C1orf174: variants seen among roughly 807,000 people sequenced by gnomAD.
C1orf174 encodes the protein chromosome 1 open reading frame 174.
C1orf174 carries 13 observed loss-of-function variants against 18.4 expected under a neutral mutation model. The ratio of observed to expected loss-of-function variants is 0.71; its 90% CI spans 0.46 to 1.12. The LOEUF (loss-of-function observed/expected upper bound fraction) is 1.12, where lower values mean the gene tolerates loss of function less well. Ranked by LOEUF, C1orf174 falls within the 50% of genes most tolerant of loss-of-function variation. C1orf174 has a pLI of 0.00. For missense variants in C1orf174, 309 were observed against 308.0 expected (o/e 1.00, Z -0.02); for synonymous variants, 100 against 118.3 (o/e 0.85, Z 1.01).
intron 1 of C1orf174, 108 bp downstream of exon 1, chr1:3,900,064 G>A (rs1011095059): frequency 3.4e-5 from 47 of 1,364,496 alleles, no homozygotes; most frequent in Admixed American, 5.9e-5. Flanking sequence ...AGCGGAGGCC[G>A]CTCCTAGGCC....
At position 3,890,669 on chromosome 1, in the gene C1orf174, T is replaced by C; in HGVS notation, c.518A>G (p.Gln173Arg). ...GTTGTCCATCTGAAGTGGTGGCTTC[T>C]GCACATCCTCTGTCTGTAGCCCTGG... Reference protein sequence around the residue: ...NEPGLQTEDVQKPPLQMDNSV... With the variant: ...NEPGLQTEDVRKPPLQMDNSV... Residue 173 changes from glutamine to arginine, a missense_variant, in exon 3 of 4, where the codon CAG becomes CGG. Coordinates refer to ENST00000361605, the MANE Select transcript of C1orf174 (RefSeq NM_207356.3). 7 of 1,614,172 alleles carry C rather than the reference T, an allele frequency of 4.3e-6. No homozygotes were observed. The highest frequency in any genetic ancestry group is 5.9e-6 in the Non-Finnish European group (7 of 1,180,028).
In C1orf174 at chr1:3,890,697, C is replaced by G; in HGVS notation, c.490G>C (p.Glu164Gln). The change falls in exon 3 of 4, where the codon GAG becomes CAG. Residue 164 changes from glutamate (E) to glutamine (Q), a missense_variant. Physicochemically the swap from Glu to Gln is conservative, Grantham distance 29. Coordinates refer to ENST00000361605, the MANE Select transcript of C1orf174 (RefSeq NM_207356.3). ...ACATCCTCTGTCTGTAGCCCTGGCT[C>G]ATTCTGCTTCTGCACAGTGGAGCTG... ...NSSSTVQKQN[E>Q]PGLQTEDVQK... 6.2e-7 allele frequency: 1 copy of G among 1,614,156 alleles called. No individual in the cohort carries two copies. The highest frequency in any genetic ancestry group is 8.5e-7 in the Non-Finnish European group (1 of 1,180,036).
rs768357035 is a variant in C1orf174, at chr1:3,893,016, C to T, written c.16-20G>A. On this transcript the variant is annotated intron_variant, in intron 1 of 3. Transcript: ENST00000361605. Reference sequence around the variant, plus strand: ...TGTGAGCTAGAGAGATTGAGAGCCACTCAGAGAGTGCTCTCAGGAAGGCAG... The same window carrying T: ...TGTGAGCTAGAGAGATTGAGAGCCATTCAGAGAGTGCTCTCAGGAAGGCAG... The T allele has an allele frequency of 3.7e-6, 6 of 1,611,142 alleles. No homozygotes were observed. The East Asian group carries it at 6.7e-5, about 18-fold the overall frequency.
At chr1:3,900,133 C>G in intron 1 of C1orf174, 39 bp downstream of exon 1, 1 of 1,568,800 alleles carries the variant, frequency 6.4e-7, no homozygotes, top group Non-Finnish European at 8.6e-7. Flanking sequence ...AGAGTCCCCG[C>G]CCTGCCCGGC....
Position 3,890,950 on chromosome 1 carries a change from G to A in C1orf174, c.237C>T (p.Asp79=), listed in dbSNP as rs752615735. 2 of 1,614,152 alleles carry A rather than the reference G, an allele frequency of 1.2e-6. No individual in the cohort carries two copies. Among genetic ancestry groups the A allele is most frequent in the South Asian group, 1.1e-5 (1 of 91,074 alleles). Residue 79 remains aspartate (D), a synonymous_variant, in exon 3 of 4, where the codon GAC becomes GAT. Coordinates refer to ENST00000361605, the MANE Select transcript of C1orf174 (RefSeq NM_207356.3). ...SELQKLVPKN[D]SASLPKVTPE... ...GTGTCACTTTTGGCAAAGAAGCGCT[G>A]TCATTCTTAGGGACAAGCTTCTGTA... is the stretch of plus-strand genomic sequence containing the variant.
At position 3,890,973 on chromosome 1, in the gene C1orf174, G is replaced by A. The variant is rs781085137; in HGVS notation, c.214C>T (p.Gln72Ter). 18 of 1,614,206 alleles carry A rather than the reference G, an allele frequency of 1.1e-5. No homozygotes were observed. The East Asian group carries it at 3.8e-4, about 34-fold the overall frequency. Residue 72 changes from glutamine to a stop codon, truncating the protein, a stop_gained, in exon 3 of 4, where the codon CAG (glutamine) becomes TAG (stop). Transcript: ENST00000361605. LOFTEE classifies it high-confidence loss of function. ...CTGTCATTCTTAGGGACAAGCTTCT[G>A]TAATTCTGACTTCACAAGATGTCCT... ...DKGHLVKSEL[Q>*]KLVPKNDSAS...
In C1orf174 at chr1:3,890,945, G is replaced by A. The variant is rs1251839917; in HGVS notation, c.242C>T (p.Ala81Val). The change falls in exon 3 of 4, where the codon GCT (alanine) becomes GTT (valine). Residue 81 changes from alanine to valine, a missense_variant. By Grantham distance (64) the Ala-to-Val change is moderately conservative (BLOSUM62 0). Transcript: ENST00000361605. ...LQKLVPKNDS[A>V]SLPKVTPETP... is the part of the protein sequence containing the mutation. ...CTCAGGTGTCACTTTTGGCAAAGAA[G>A]CGCTGTCATTCTTAGGGACAAGCTT... 1.2e-6 allele frequency: 2 copies of A among 1,614,034 alleles called. No individual in the cohort carries two copies. Among genetic ancestry groups the A allele is most frequent in the African/African-American group, 1.3e-5 (1 of 74,924 alleles).
chr1:3,895,278 C>T (rs915173101), intron 1 of C1orf174: 9 of 152,292 alleles, frequency 5.9e-5, no homozygotes, highest in African/African-American at 2.2e-4. Context: ...AATCTCTATT[C>T]CATCACCACA....
chr1:3,899,462 C>A (rs1480352585), intron 1 of C1orf174, among the ~76,000 whole-genome samples: 1 of 152,170 alleles, frequency 6.6e-6, no homozygotes, highest in Non-Finnish European at 1.5e-5. Flanking sequence ...TTAACTGTTA[C>A]ACCCACGCAA....
At chr1:3,895,438 G>C (rs1638589487) in intron 1 of C1orf174, 1 of 152,262 alleles carries the variant, frequency 6.6e-6, no homozygotes, top group Admixed American at 6.5e-5. Flanking sequence ...CAGTGGTTCT[G>C]AACTTTTCGC....
chr1:3,895,762 C>G (rs549849405), intron 1 of C1orf174: 2 of 152,226 alleles, frequency 1.3e-5, no homozygotes, highest in Non-Finnish European at 2.9e-5. Context: ...TTGGACTGCT[C>G]CCACAGTCCA....
At chr1:3,896,669 C>T (rs1331293590) in intron 1 of C1orf174, among the ~76,000 whole-genome samples, 2 of 152,228 alleles carry the variant, frequency 1.3e-5, no homozygotes, top group Non-Finnish European at 2.9e-5. Context: ...GTAGGCCAAC[C>T]AGTTCGCAGA....
chr1:3,890,128 C>A (rs1557737985), intron 3 of C1orf174, 55 bp from the exon 4 acceptor site: 8 of 1,404,448 alleles, frequency 5.7e-6, no homozygotes, highest in Non-Finnish European at 8.1e-6. Flanking sequence ...TCTGCACCCG[C>A]ATTTGCAATG....
At chr1:3,890,104 A>G (rs1435225461) in intron 3 of C1orf174, 31 bp from the exon 4 acceptor site, 1 of 1,562,326 alleles carries the variant, frequency 6.4e-7, no homozygotes, top group Admixed American at 1.7e-5. Flanking sequence ...GACTTCAGTC[A>G]TGAGCAATAC....
rs1199100828 is a variant in C1orf174 at position 3,900,198 on chromosome 1, C to G, written c.-12G>C. On this transcript the variant is annotated 5_prime_UTR_variant, in exon 1 of 4. Transcript: ENST00000361605. Reference sequence around the variant, plus strand: ...TTCCGGCTCCTCATGAGTGTGAGCACCGCAGCCAAGCACCGCGCGCCCCGG... The same window carrying G: ...TTCCGGCTCCTCATGAGTGTGAGCAGCGCAGCCAAGCACCGCGCGCCCCGG... The G allele has an allele frequency of 6.3e-7, 1 of 1,581,824 alleles. No individual in the cohort carries two copies. The highest frequency in any genetic ancestry group is 2.4e-5 in the East Asian group (1 of 42,486).
intron 3 of C1orf174, 72 bp from the exon 4 acceptor site, chr1:3,890,145 AC>A: frequency 8.1e-7 from 1 of 1,241,352 alleles, no homozygotes; most frequent in Non-Finnish European, 1.2e-6. Context: ...AATGTGCCCC[AC>A]CCAGCGGCTC....
At chr1:3,900,047 A>T in intron 1 of C1orf174, 125 bp downstream of exon 1, 1 of 1,204,636 alleles carries the variant, frequency 8.3e-7, no homozygotes, top group Non-Finnish European at 1.1e-6. Flanking sequence ...GCCGGGGGCG[A>T]GGCCCAAGCG....
Position 3,890,045 on chromosome 1 carries a change from G to C in C1orf174, c.647C>G (p.Pro216Arg). ...QDLPPASSSC[P>R]SMSRREFRKM... Reference sequence around the variant, plus strand: ...TCTGAACTCTCGTCTGCTCATTGAAGGACAAGATGAAGACGCAGGTGGGAG... The same window carrying C: ...TCTGAACTCTCGTCTGCTCATTGAACGACAAGATGAAGACGCAGGTGGGAG... The change falls in exon 4 of 4, where the codon CCT becomes CGT. Residue 216 changes from proline to arginine, a missense_variant. Physicochemically the swap from Pro to Arg is moderately radical, Grantham distance 103. Coordinates refer to ENST00000361605, the MANE Select transcript of C1orf174 (RefSeq NM_207356.3). 4.3e-6 allele frequency: 7 copies of C among 1,614,180 alleles called. No homozygotes were observed. The highest frequency in any genetic ancestry group is 5.9e-6 in the Non-Finnish European group (7 of 1,180,024).
intron 1 of C1orf174, among the ~76,000 whole-genome samples, chr1:3,899,602 C>T (rs867805175): frequency 6.6e-6 from 1 of 152,222 alleles, no homozygotes; most frequent in Non-Finnish European, 1.5e-5. Flanking sequence ...TGCTGTGTGA[C>T]GTCCATTGGA....
Sources: allele counts gnomAD v4.1 joint callset (sites outside exome capture counted in the v4.1 genomes callset), GRCh38; gene constraint gnomAD v4.1.1; transcripts MANE v1.5; gene names NCBI Gene and HGNC (gene_info 2026-07-23, HGNC 2026-07-21).